EXOC4: variants seen among roughly 807,000 people sequenced by gnomAD.
EXOC4 encodes the protein exocyst complex component 4, also known as SEC8-like 1.
EXOC4 carries 71 observed loss-of-function variants against 107.2 expected under a neutral mutation model. The observed-to-expected ratio is 0.66, with a 90% CI of 0.55 to 0.81. The LOEUF is 0.81. EXOC4 is among the 30% of genes least tolerant of loss of function. The probability of loss-of-function intolerance (pLI) is 0.00; values close to 1 mark genes in which losing one functional copy is unlikely to be tolerated. For missense variants in EXOC4, 1,108 were observed against 1,189.6 expected, an observed-to-expected ratio of 0.93 and a Z score of 1.01; for synonymous variants, 456 against 441.2, an observed-to-expected ratio of 1.03 and a Z score of -0.42.
chr7:133,308,910 C>T (rs997561308), intron 4 of EXOC4, among the ~76,000 whole-genome samples: 1 of 152,148 alleles, frequency 6.6e-6, no homozygotes, highest in African/African-American at 2.4e-5. Context: ...TAAAAGGCTG[C>T]ATTTTCCATC....
chr7:133,704,176 C>T (rs1458089983), intron 10 of EXOC4, among the ~76,000 whole-genome samples: 2 of 152,158 alleles, frequency 1.3e-5, no homozygotes, highest in African/African-American at 4.8e-5. Context: ...TGGTCTTGAC[C>T]TCCTGCAATT....
At chr7:133,885,728 G>A (rs1799071228) in intron 11 of EXOC4, among the ~76,000 whole-genome samples, 1 of 152,176 alleles carries the variant, frequency 6.6e-6, no homozygotes, top group South Asian at 2.1e-4. Flanking sequence ...CAGACACTAA[G>A]ATGAGGAGGC....
In EXOC4 at chr7:133,810,922, C is replaced by T. The variant is rs972631279; in HGVS notation, c.1515-6403C>T. Among the ~76,000 whole-genome samples, 8 of 152,094 alleles carry T rather than the reference C, an allele frequency of 5.3e-5. No homozygotes were observed. In the East Asian group the frequency reaches 5.8e-4, roughly 11 times the overall value. The stretch of plus-strand genomic sequence containing the variant: ...TGCTGGGATTACAGGTATGAGCTAC[C>T]GCGCCCGGCCAGATCCATGCTTTAA... On this transcript the variant is annotated intron_variant, in intron 10 of 17. Transcript: ENST00000253861.
chr7:133,633,791 T>G (rs1449268565), intron 10 of EXOC4, among the ~76,000 whole-genome samples: 1 of 152,124 alleles, frequency 6.6e-6, no homozygotes, highest in Non-Finnish European at 1.5e-5. Context: ...ATTTAAACAT[T>G]GTATCATTTT....
chr7:133,335,775 G>GTA (rs1288684607), intron 5 of EXOC4, among the ~76,000 whole-genome samples: 1 of 152,138 alleles, frequency 6.6e-6, no homozygotes, highest in Non-Finnish European at 1.5e-5. Context: ...TTCACAGCAG[G>GTA]TATACCATTT....
At chr7:133,798,229 T>C (rs952332977) in intron 10 of EXOC4, among the ~76,000 whole-genome samples, 1 of 152,026 alleles carries the variant, frequency 6.6e-6, no homozygotes, top group Non-Finnish European at 1.5e-5. Flanking sequence ...ACTGAAAATA[T>C]GCATGCAAAG....
At chr7:133,669,552 T>A (rs1030007627) in intron 10 of EXOC4, among the ~76,000 whole-genome samples, 2 of 146,924 alleles carry the variant, frequency 1.4e-5, no homozygotes, top group Non-Finnish European at 3.0e-5. Flanking sequence ...TAAATAATAT[T>A]CAAACACAGC....
At chr7:133,867,442 T>C (rs561128935) in intron 11 of EXOC4, among the ~76,000 whole-genome samples, 15 of 152,300 alleles carry the variant, frequency 9.8e-5, no homozygotes, top group African/African-American at 3.6e-4. Flanking sequence ...CCCCTTCCCA[T>C]TGAGGGCAGT....
At chr7:133,265,167 A>T (rs1793695368) in intron 1 of EXOC4, among the ~76,000 whole-genome samples, 2 of 152,172 alleles carry the variant, frequency 1.3e-5, no homozygotes, top group African/African-American at 4.8e-5. Context: ...CAGTAAGCTA[A>T]TAATTACCTT....
chr7:133,704,502 T>C (rs1794727365), intron 10 of EXOC4, among the ~76,000 whole-genome samples: 2 of 152,210 alleles, frequency 1.3e-5, no homozygotes, highest in African/African-American at 4.8e-5. Flanking sequence ...TTCATAGCCT[T>C]CTTGACATTT....
At chr7:133,834,571 C>T (rs1479755801) in intron 11 of EXOC4, among the ~76,000 whole-genome samples, 2 of 152,206 alleles carry the variant, frequency 1.3e-5, no homozygotes, top group Non-Finnish European at 2.9e-5. Flanking sequence ...TTCTAAGAAT[C>T]CTTTGTTCCA....
chr7:133,729,488 C>T (rs1302797960), intron 10 of EXOC4, among the ~76,000 whole-genome samples: 1 of 151,996 alleles, frequency 6.6e-6, no homozygotes, highest in African/African-American at 2.4e-5. Context: ...AAAGATACTG[C>T]CAGGTAAATA....
intron 15 of EXOC4, among the ~76,000 whole-genome samples, chr7:134,000,966 C>T (rs543234418): frequency 6.6e-6 from 1 of 151,974 alleles, no homozygotes; most frequent in Non-Finnish European, 1.5e-5. Context: ...AAATTCAAAC[C>T]AAAAACTGTT....
chr7:133,603,931 A>G (rs1336971752), intron 9 of EXOC4, among the ~76,000 whole-genome samples: 3 of 152,184 alleles, frequency 2.0e-5, no homozygotes, highest in Non-Finnish European at 2.9e-5. Flanking sequence ...AGCTTAAAAC[A>G]CAAACACAGT....
intron 10 of EXOC4, chr7:133,733,605 G>A (rs948510995): frequency 6.6e-6 from 1 of 152,222 alleles, no homozygotes; most frequent in Admixed American, 6.5e-5. Flanking sequence ...TGCTGCTACT[G>A]AAAGAGCCAA....
intron 14 of EXOC4, among the ~76,000 whole-genome samples, chr7:133,958,871 G>A (rs539538151): frequency 6.6e-6 from 1 of 152,278 alleles, no homozygotes; most frequent in South Asian, 2.1e-4. Context: ...CTGAGTGTGA[G>A]GGCTGTTATT....
intron 11 of EXOC4, among the ~76,000 whole-genome samples, chr7:133,837,054 C>T (rs1482101031): frequency 6.6e-6 from 1 of 152,108 alleles, no homozygotes; most frequent in Non-Finnish European, 1.5e-5. Flanking sequence ...TGAAATCTGA[C>T]TTATTATTCT....
At chr7:133,673,705 G>A (rs1239188853) in intron 10 of EXOC4, among the ~76,000 whole-genome samples, 1 of 152,172 alleles carries the variant, frequency 6.6e-6, no homozygotes, top group Non-Finnish European at 1.5e-5. Context: ...TGAAAAACAA[G>A]AAGACAACAC....
chr7:133,391,589 T>C (rs889812262), intron 7 of EXOC4, among the ~76,000 whole-genome samples: 1 of 152,172 alleles, frequency 6.6e-6, no homozygotes, highest in African/African-American at 2.4e-5. Flanking sequence ...GTTTTAGAAG[T>C]GGCATGTTTA....
Sources: gnomAD v4.1 joint callset for allele counts (sites outside exome capture counted in the v4.1 genomes callset) on GRCh38, gnomAD v4.1.1 for gene constraint, MANE v1.5 for transcripts, NCBI Gene and HGNC (gene_info 2026-07-23, HGNC 2026-07-21) for gene names.